RASGRF2: variants seen among roughly 807,000 people sequenced by gnomAD.
RASGRF2 encodes the protein Ras protein specific guanine nucleotide releasing factor 2.
A neutral mutation model predicts 151.0 loss-of-function variants in RASGRF2; 76 were observed. The ratio of observed to expected loss-of-function variants is 0.50; its 90% CI spans 0.42 to 0.61. The LOEUF (loss-of-function observed/expected upper bound fraction) is 0.61, where lower values mean the gene tolerates loss of function less well. RASGRF2 is among the 20% of genes least tolerant of loss of function. The pLI is 0.00. For missense variants in RASGRF2, 1,148 were observed against 1,564.6 expected, an observed-to-expected ratio of 0.73 and a Z score of 4.49; for synonymous variants, 504 against 566.5, an observed-to-expected ratio of 0.89 and a Z score of 1.57.
intron 18 of RASGRF2, chr5:81,183,204 A>T (rs1754956654): frequency 1.0e-6 from 1 of 983,832 alleles, no homozygotes; most frequent in South Asian, 4.7e-5. Flanking sequence ...ATTTCTAGAA[A>T]CAGAAAAGCT....
intron 1 of RASGRF2, among the ~76,000 whole-genome samples, chr5:80,984,205 C>T (rs754920807): frequency 3.9e-5 from 6 of 152,172 alleles, no homozygotes; most frequent in Admixed American, 6.5e-5. Flanking sequence ...GGATTACAGG[C>T]ACCACACCAG....
chr5:80,964,271 T>C (rs1018842767), intron 1 of RASGRF2, among the ~76,000 whole-genome samples: 1 of 152,164 alleles, frequency 6.6e-6, no homozygotes, highest in Non-Finnish European at 1.5e-5. Flanking sequence ...TCTCCAAAAG[T>C]GTTGTTCCTT....
At chr5:81,155,898 A>G (rs1306241485) in intron 17 of RASGRF2, among the ~76,000 whole-genome samples, 2 of 152,142 alleles carry the variant, frequency 1.3e-5, no homozygotes, top group African/African-American at 2.4e-5. Flanking sequence ...TTTTAGCAAC[A>G]TGTTTGACCT....
rs1747503242 is a variant in RASGRF2 at position 80,960,395 on chromosome 5, C to CG, written c.-339dup. Among the ~76,000 whole-genome samples, 1 of 151,026 alleles carries CG rather than the reference C, an allele frequency of 6.6e-6. No individual in the cohort carries two copies. Among genetic ancestry groups the CG allele is most frequent in the Admixed American group, 6.6e-5 (1 of 15,150 alleles). On this transcript the variant is annotated 5_prime_UTR_variant, in exon 1 of 27. Transcript: ENST00000265080. This position sits in a 1 kb window ranked among gnomAD's most constrained non-coding sequence, Gnocchi z 5.5. The stretch of plus-strand genomic sequence containing the variant: ...CCCCGGCTGCCGCCCCAGCCCGCCG[C>CG]GGGGGCTCGGCTCCCGCAACTTTGG...
At chr5:81,088,843 A>G (rs910317475) in intron 9 of RASGRF2, among the ~76,000 whole-genome samples, 1 of 152,188 alleles carries the variant, frequency 6.6e-6, no homozygotes, top group Admixed American at 6.5e-5. Flanking sequence ...TTTCACTGCA[A>G]TTGGAGAGAA....
chr5:81,152,972 G>A (rs780977779), intron 17 of RASGRF2, among the ~76,000 whole-genome samples: 1 of 152,178 alleles, frequency 6.6e-6, no homozygotes. Context: ...AGCAATCTCA[G>A]TGGCAAACAG....
At position 81,215,880 on chromosome 5, in the gene RASGRF2, A is replaced by C; in HGVS notation, c.3359A>C (p.Lys1120Thr). 6.5e-7 allele frequency: 1 copy of C among 1,537,780 alleles called. No individual in the cohort carries two copies. Reference sequence around the variant, plus strand: ...AGTTTTTTCTTTTCTTTTTAGACAAAAGCTCTAATGGACAAACTTCAAAAG... The same window carrying C: ...AGTTTTTTCTTTTCTTTTTAGACAACAGCTCTAATGGACAAACTTCAAAAG... Reference protein sequence around the residue: ...KTWAKVSKQTKALMDKLQKTV... With the variant: ...KTWAKVSKQTTALMDKLQKTV... The change falls in exon 24 of 27, where the codon AAA becomes ACA. Residue 1120 changes from lysine (K) to threonine (T), a missense_variant. By Grantham distance (78) the Lys-to-Thr change is moderately conservative. This residue lies in a region of RASGRF2 where 100 missense variants were observed against 148.2 expected (regional missense o/e 0.67). Coordinates refer to ENST00000265080, the MANE Select transcript of RASGRF2 (RefSeq NM_006909.3).
chr5:81,160,682 AAATAATAATAAT>A (rs531513005), intron 17 of RASGRF2, among the ~76,000 whole-genome samples: 15 of 138,482 alleles, frequency 1.1e-4, no homozygotes, highest in South Asian at 4.7e-4. Context: ...TCTGTCTCAA[AAATAATAATAAT>A]AATAATAATA....
At chr5:81,019,346 A>G (rs1004873829) in intron 1 of RASGRF2, 1 of 152,240 alleles carries the variant, frequency 6.6e-6, no homozygotes, top group South Asian at 2.1e-4. Context: ...TACTGTTACT[A>G]TGATGGAACA....
chr5:81,048,651 A>G (rs1273233535), intron 2 of RASGRF2, among the ~76,000 whole-genome samples: 1 of 152,158 alleles, frequency 6.6e-6, no homozygotes, highest in Non-Finnish European at 1.5e-5. Flanking sequence ...TCATGCGCAC[A>G]CCATCTCACC....
At chr5:81,016,552 G>A (rs1346580976) in intron 1 of RASGRF2, among the ~76,000 whole-genome samples, 1 of 152,150 alleles carries the variant, frequency 6.6e-6, no homozygotes, top group Non-Finnish European at 1.5e-5. Context: ...GACTGAATGT[G>A]TTTTTCCTGT....
intron 25 of RASGRF2, among the ~76,000 whole-genome samples, chr5:81,218,085 T>C (rs1025876739): frequency 6.6e-6 from 1 of 152,184 alleles, no homozygotes; most frequent in Non-Finnish European, 1.5e-5. Flanking sequence ...GGTTTCACCA[T>C]GTTGGCCAGG....
intron 18 of RASGRF2, among the ~76,000 whole-genome samples, chr5:81,187,391 A>G (rs765186630): frequency 6.6e-5 from 10 of 152,244 alleles, no homozygotes; most frequent in Non-Finnish European, 1.5e-4. Flanking sequence ...CAAAGGTACC[A>G]TAGGGAAACA....
intron 1 of RASGRF2, among the ~76,000 whole-genome samples, chr5:80,988,398 GT>G (rs1482130487): frequency 6.6e-6 from 1 of 152,124 alleles, no homozygotes; most frequent in East Asian, 1.9e-4. Flanking sequence ...CAAGGACCAT[GT>G]CTTATTTTTC....
At chr5:81,039,769 A>T (rs1750624675) in intron 1 of RASGRF2, among the ~76,000 whole-genome samples, 1 of 152,140 alleles carries the variant, frequency 6.6e-6, no homozygotes, top group East Asian at 1.9e-4. Context: ...TTTATTAATG[A>T]TATTATCCTT....
chr5:81,042,775 T>C (rs17410395), intron 1 of RASGRF2, 102 bp from the exon 2 acceptor site: 109,717 of 789,056 alleles, frequency 0.14, 8,823 homozygotes, highest in Middle Eastern at 0.16. Context: ...TAAGCACTGA[T>C]GCATTTTGTA....
At chr5:81,077,852 C>T (rs1342297293) in intron 5 of RASGRF2, among the ~76,000 whole-genome samples, 3 of 152,104 alleles carry the variant, frequency 2.0e-5, no homozygotes, top group Non-Finnish European at 4.4e-5. Context: ...AGAGGCTGTG[C>T]CACATTCTTT....
chr5:81,165,417 C>T (rs1754482961), intron 17 of RASGRF2, among the ~76,000 whole-genome samples: 1 of 152,120 alleles, frequency 6.6e-6, no homozygotes, highest in African/African-American at 2.4e-5. Flanking sequence ...GGCCCTTTTC[C>T]ATGCAGGGAG....
chr5:81,205,117 A>G (rs1002490570), intron 19 of RASGRF2, among the ~76,000 whole-genome samples: 1 of 152,210 alleles, frequency 6.6e-6, no homozygotes, highest in Non-Finnish European at 1.5e-5. Context: ...TTTTTTCCTC[A>G]TCTTAATCTG....
Sources: allele counts gnomAD v4.1 joint callset (sites outside exome capture counted in the v4.1 genomes callset), GRCh38; gene constraint gnomAD v4.1.1; regional missense constraint gnomAD v4.1.1; non-coding constraint Gnocchi (gnomAD v3.1); transcripts MANE v1.5; gene names NCBI Gene and HGNC (gene_info 2026-07-23, HGNC 2026-07-21).